Variants in ATXN7L1 observed in about 807,000 individuals in gnomAD.
The protein encoded by ATXN7L1 is ataxin-7-like protein 1.
In ATXN7L1, 15 loss-of-function variants were observed where a neutral mutation model predicts 70.8. The observed-to-expected ratio is 0.21, with a 90% CI of 0.14 to 0.33. ATXN7L1 has a LOEUF of 0.33. ATXN7L1 is among the 10% of genes least tolerant of loss of function. The pLI is 1.00. For synonymous variants in ATXN7L1, 440 were observed against 445.1 expected (o/e 0.99, Z 0.14); for missense variants, 975 against 1,097.1 (o/e 0.89, Z 1.57).
intron 3 of ATXN7L1, among the ~76,000 whole-genome samples, chr7:105,687,925 C>A (rs1037273586): frequency 6.6e-6 from 1 of 152,162 alleles, no homozygotes. Flanking sequence ...TTTAGTCATA[C>A]AAAGAAAAGA....
intron 3 of ATXN7L1, among the ~76,000 whole-genome samples, chr7:105,716,999 A>C (rs1385649311): frequency 6.6e-6 from 1 of 152,220 alleles, no homozygotes; most frequent in Non-Finnish European, 1.5e-5. Context: ...AATGACCCAC[A>C]GTCACCATAC....
At chr7:105,736,249 G>A (rs1797359625) in intron 3 of ATXN7L1, among the ~76,000 whole-genome samples, 1 of 152,254 alleles carries the variant, frequency 6.6e-6, no homozygotes, top group African/African-American at 2.4e-5. Flanking sequence ...CAGGGAAGCT[G>A]AAAACATAGA....
In ATXN7L1 at chr7:105,853,992, G is replaced by A. The variant is rs201924697; in HGVS notation, c.250+21820C>T. 2.5e-4 allele frequency among the ~76,000 whole-genome samples: 38 copies of A among 152,170 alleles called. No homozygotes were observed. In the East Asian group the frequency reaches 5.2e-3, roughly 21 times the overall value. On this transcript the variant is annotated intron_variant, in intron 2 of 11. Coordinates refer to ENST00000419735, the MANE Select transcript of ATXN7L1 (RefSeq NM_020725.2). ...GCCTAACATCTGTGGACACGCGGCG[G>A]TCTAAGCACCGACTGGCTGAAAGGT...
intron 2 of ATXN7L1, among the ~76,000 whole-genome samples, chr7:105,863,723 A>G (rs1265285170): frequency 6.6e-6 from 1 of 152,100 alleles, no homozygotes; most frequent in Non-Finnish European, 1.5e-5. Flanking sequence ...CAGCTTCCCA[A>G]TCTCTGAAAT....
At chr7:105,818,428 T>C (rs1809529326) in intron 2 of ATXN7L1, among the ~76,000 whole-genome samples, 1 of 152,208 alleles carries the variant, frequency 6.6e-6, no homozygotes, top group Admixed American at 6.5e-5. Context: ...AGTGCTGGGA[T>C]TACAGCATGT....
chr7:105,801,173 G>A (rs1011173392), intron 2 of ATXN7L1, among the ~76,000 whole-genome samples: 1 of 152,120 alleles, frequency 6.6e-6, no homozygotes, highest in African/African-American at 2.4e-5. Context: ...TGCATGGTGG[G>A]ATTTAAAAAA....
intron 3 of ATXN7L1, among the ~76,000 whole-genome samples, chr7:105,775,932 G>A (rs767034263): frequency 3.9e-4 from 59 of 152,214 alleles, no homozygotes; most frequent in South Asian, 1.5e-3. Flanking sequence ...TCTGGGAGGG[G>A]GAGTCTGGCA....
In ATXN7L1 at chr7:105,733,592, A is replaced by AT. The variant is rs1563048841; in HGVS notation, c.355+55011dup. Reference sequence around the variant, plus strand: ...CTTCCATCCATCCACCCATCCATCCATCCATCCATCCACCCATCCATCCAT... The same window carrying AT: ...CTTCCATCCATCCACCCATCCATCCATTCCATCCATCCACCCATCCATCCAT... On this transcript the variant is annotated intron_variant, in intron 3 of 11. Transcript: ENST00000419735. Among the ~76,000 whole-genome samples the AT allele has an allele frequency of 7.5e-4, 92 of 122,562 alleles. 11 individuals carry two copies. The highest frequency in any genetic ancestry group is 4.3e-3 in the Middle Eastern group (1 of 232). 80.4% of individuals were successfully genotyped at this position (122,562 alleles called of 152,430 possible). A position where few individuals can be genotyped will look rare whatever the true frequency, so the allele number is the denominator to read the frequency against.
chr7:105,873,524 G>A (rs113449693), intron 2 of ATXN7L1, among the ~76,000 whole-genome samples: 1 of 152,108 alleles, frequency 6.6e-6, no homozygotes, highest in Non-Finnish European at 1.5e-5. Flanking sequence ...CACCATGGGG[G>A]AATACGTATT....
intron 3 of ATXN7L1, among the ~76,000 whole-genome samples, chr7:105,751,322 T>A (rs2116387022): frequency 6.6e-6 from 1 of 152,038 alleles, no homozygotes; most frequent in African/African-American, 2.4e-5. Flanking sequence ...ACAAACAAAA[T>A]CCCCACGTAA....
At chr7:105,857,183 T>A (rs948704117) in intron 2 of ATXN7L1, among the ~76,000 whole-genome samples, 3 of 152,196 alleles carry the variant, frequency 2.0e-5, no homozygotes, top group Admixed American at 1.3e-4. Flanking sequence ...CATTCTTTCA[T>A]TCATTTTTCA....
intron 10 of ATXN7L1, among the ~76,000 whole-genome samples, chr7:105,612,635 T>C (rs1046091857): frequency 6.6e-6 from 1 of 152,062 alleles, no homozygotes. Context: ...CCCCTGGCCA[T>C]GGGGAGTCAG....
At chr7:105,807,631 T>A (rs936985153) in intron 2 of ATXN7L1, among the ~76,000 whole-genome samples, 13 of 152,238 alleles carry the variant, frequency 8.5e-5, no homozygotes, top group African/African-American at 3.1e-4. Flanking sequence ...ATAAAATACT[T>A]ATGCACTGGG....
intron 3 of ATXN7L1, among the ~76,000 whole-genome samples, chr7:105,779,543 C>T (rs1486843372): frequency 6.6e-6 from 1 of 152,184 alleles, no homozygotes; most frequent in Admixed American, 6.5e-5. Context: ...ATCAGTCATT[C>T]TGTCATTTCT....
intron 3 of ATXN7L1, among the ~76,000 whole-genome samples, chr7:105,777,998 A>G (rs1802978317): frequency 6.6e-6 from 1 of 152,206 alleles, no homozygotes; most frequent in South Asian, 2.1e-4. Context: ...AACCTACCAG[A>G]ACATAAGCCT....
chr7:105,641,252 C>G, intron 5 of ATXN7L1, among the ~76,000 whole-genome samples: 1 of 37,854 alleles, frequency 2.6e-5, no homozygotes, highest in Non-Finnish European at 5.6e-5. Context: ...TTTAGCTTCA[C>G]TTAGAAAAAA....
intron 3 of ATXN7L1, among the ~76,000 whole-genome samples, chr7:105,692,246 T>C (rs1226640653): frequency 6.6e-6 from 1 of 152,124 alleles, no homozygotes; most frequent in Non-Finnish European, 1.5e-5. Flanking sequence ...TTTTAGAGAT[T>C]GACTTAGATT....
At chr7:105,637,742 T>G (rs554314616) in intron 7 of ATXN7L1, among the ~76,000 whole-genome samples, 2 of 152,204 alleles carry the variant, frequency 1.3e-5, no homozygotes, top group Non-Finnish European at 2.9e-5. Flanking sequence ...GACAACCACA[T>G]AGAACCCCAA....
intron 3 of ATXN7L1, among the ~76,000 whole-genome samples, chr7:105,728,662 T>C (rs1160831723): frequency 2.0e-5 from 3 of 152,106 alleles, no homozygotes; most frequent in African/African-American, 4.8e-5. Flanking sequence ...CAGATCTTGG[T>C]TTCTAGTATC....
Sources: gnomAD v4.1 joint callset for allele counts (sites outside exome capture counted in the v4.1 genomes callset) on GRCh38, gnomAD v4.1.1 for gene constraint, MANE v1.5 for transcripts, NCBI Gene and HGNC (gene_info 2026-07-23, HGNC 2026-07-21) for gene names.